The following CAPN15 variants were observed in gnomAD, a reference collection of about 807,000 sequenced individuals.
The protein encoded by CAPN15 is calpain 15, also known as calpain-15.
A neutral mutation model predicts 97.9 loss-of-function variants in CAPN15; 53 were observed. The ratio of observed to expected loss-of-function variants is 0.54; its 90% CI spans 0.43 to 0.68. CAPN15 has a LOEUF of 0.68. Among genes scored for constraint, CAPN15 ranks in the 30% least tolerant of loss-of-function variants. The pLI is 0.00. For synonymous variants in CAPN15, 922 were observed against 722.5 expected, an observed-to-expected ratio of 1.28 and a Z score of -4.43; for missense variants, 1,592 against 1,589.8, an observed-to-expected ratio of 1.00 and a Z score of -0.02.
rs571629948 is a variant in CAPN15, at chr16:547,855, C to T, written c.1017C>T (p.Pro339=). The T allele has an allele frequency of 1.1e-5, 18 of 1,611,526 alleles. No homozygotes were observed. The Admixed American group carries it at 1.2e-4, about 10-fold the overall frequency. ...VRYTPASPSS[P]DFTTWSCAKC... ...ACACGCCCGCCAGCCCCTCCAGCCC[C>T]GACTTCACCACCTGGTCATGTGCCA... The change falls in exon 4 of 14, where the codon CCC becomes CCT. Residue 339 remains proline, a synonymous_variant. Coordinates refer to ENST00000219611, the MANE Select transcript of CAPN15 (RefSeq NM_005632.3).
In CAPN15 at chr16:548,867, A is replaced by G; in HGVS notation, c.1450-126A>G. 20 of 885,046 alleles carry G rather than the reference A, an allele frequency of 2.3e-5. 1 individual carries two copies. In the South Asian group the frequency reaches 3.0e-4, roughly 13 times the overall value. The allele number at this position is 885,046 out of a possible 1,614,324, so 54.8% of individuals were successfully genotyped here. A position where few individuals can be genotyped will look rare whatever the true frequency, so the allele number is the denominator to read the frequency against. On this transcript the variant is annotated intron_variant, in intron 4 of 13. Coordinates refer to ENST00000219611, the MANE Select transcript of CAPN15 (RefSeq NM_005632.3). ...GCCGGCGCCAGGTCTGTGGCTGTCC[A>G]CGCTCCACCCGTCCCTTTGGGGCTC...
chr16:550,982 T>C (rs75881177), intron 7 of CAPN15, among the ~76,000 whole-genome samples: 680 of 11,890 alleles, frequency 0.057, 18 homozygotes, highest in Admixed American at 0.17. Context: ...GGTCCCCTGT[T>C]GGTGAGGGTC....
At chr16:545,916 G>A (rs967336663) in intron 3 of CAPN15, among the ~76,000 whole-genome samples, 10 of 152,252 alleles carry the variant, frequency 6.6e-5, no homozygotes, top group Admixed American at 3.9e-4. Flanking sequence ...GGAGCCCGCC[G>A]GCCACAGCTG....
At chr16:530,758 C>G (rs964564050) in intron 1 of CAPN15, among the ~76,000 whole-genome samples, 1 of 152,160 alleles carries the variant, frequency 6.6e-6, no homozygotes, top group African/African-American at 2.4e-5. Flanking sequence ...ATGGGGGCAT[C>G]CTAGCCCAGG....
Position 554,398 on chromosome 16 carries a change from T to TC in CAPN15, c.*887dup, listed in dbSNP as rs1433397812. ...GGCAGCGGGCCGGCCTCGCCCCCAC[T>TC]CCCCCTCCTACCCCGGCAGGGGCTT... On this transcript the variant is annotated 3_prime_UTR_variant, in exon 14 of 14. Transcript: ENST00000219611. 2.4e-6 allele frequency: 1 copy of TC among 418,910 alleles called. No individual in the cohort carries two copies. Among genetic ancestry groups the TC allele is most frequent in the African/African-American group, 2.0e-5 (1 of 48,812 alleles). The allele number at this position is 418,910 out of a possible 1,614,324, so 25.9% of individuals were successfully genotyped here.
rs548929986 is a variant in CAPN15, at chr16:551,049, G to A, written c.2067-253G>A. On this transcript the variant is annotated intron_variant, in intron 7 of 13. Coordinates refer to ENST00000219611, the MANE Select transcript of CAPN15 (RefSeq NM_005632.3). ...CCCCGGTCGGTGAGGGCCCCGGTCGGTGAGGGTCCCCGGTCGGTGAGGTCC... is the reference window on the plus strand; with the variant it reads ...CCCCGGTCGGTGAGGGCCCCGGTCGATGAGGGTCCCCGGTCGGTGAGGTCC... 8.2e-5 allele frequency among the ~76,000 whole-genome samples: 12 copies of A among 146,834 alleles called. No homozygotes were observed. In the East Asian group the frequency reaches 2.5e-3, roughly 30 times the overall value.
At chr16:528,529 A>C (rs922522724) in intron 1 of CAPN15, among the ~76,000 whole-genome samples, 1 of 152,168 alleles carries the variant, frequency 6.6e-6, no homozygotes, top group Non-Finnish European at 1.5e-5. Context: ...CAGCCATGCC[A>C]GTGTTCTCTT....
intron 3 of CAPN15, chr16:540,235 C>T (rs1244081257): frequency 1.0e-6 from 1 of 985,394 alleles, no homozygotes; most frequent in Admixed American, 6.1e-5. Flanking sequence ...CGAGTCGGAC[C>T]ACAGCTTCCC....
At position 551,618 on chromosome 16, in the gene CAPN15, G is replaced by A. The variant is rs570090075; in HGVS notation, c.2299G>A (p.Gly767Ser). 1.4e-5 allele frequency: 22 copies of A among 1,606,394 alleles called. No homozygotes were observed. Among genetic ancestry groups the A allele is most frequent in the Admixed American group, 3.3e-5 (2 of 59,978 alleles). ...CCTGCGTGGCGAGCTCATGCCGCAC[G>A]GCAGCAGTGAGGGTGTCTTCTGGAT... Reference protein sequence around the residue: ...GHLRGELMPHGSSEGVFWMEY... With the variant: ...GHLRGELMPHSSSEGVFWMEY... The change falls in exon 9 of 14, where the codon GGC becomes AGC. Residue 767 changes from glycine (G) to serine (S), a missense_variant. Physicochemically the swap from Gly to Ser is moderately conservative, Grantham distance 56. Coordinates refer to ENST00000219611, the MANE Select transcript of CAPN15 (RefSeq NM_005632.3).
chr16:542,268 C>A (rs2034172419), intron 3 of CAPN15, among the ~76,000 whole-genome samples: 1 of 151,912 alleles, frequency 6.6e-6, no homozygotes, highest in South Asian at 2.1e-4. Flanking sequence ...TTTGCGTGGA[C>A]CTGTTTTCAT....
In CAPN15 at chr16:554,320, T is replaced by C. The variant is rs886346582; in HGVS notation, c.*804T>C. On this transcript the variant is annotated 3_prime_UTR_variant, in exon 14 of 14. Transcript: ENST00000219611. ...CCACCTCCCCACAGAAGCCCAGGAG[T>C]GTGTGGACGTCTGAGCCCAGCTTTC... 2.8e-6 allele frequency: 1 copy of C among 359,392 alleles called. No homozygotes were observed. The highest frequency in any genetic ancestry group is 2.1e-5 in the African/African-American group (1 of 46,656). 22.3% of individuals were successfully genotyped at this position (359,392 alleles called of 1,614,324 possible). A position where few individuals can be genotyped will look rare whatever the true frequency, so the allele number is the denominator to read the frequency against.
chr16:538,782 C>T (rs1220847059), intron 3 of CAPN15: 1 of 152,222 alleles, frequency 6.6e-6, no homozygotes, highest in East Asian at 1.9e-4. Flanking sequence ...CAGGCCCCTC[C>T]CGGGTGTCAG....
chr16:549,672 G>T lies in CAPN15; in HGVS notation c.1900G>T (p.Gly634Cys), dbSNP rs774365724. The change falls in exon 7 of 14, where the codon GGC (glycine) becomes TGC (cysteine). Residue 634 changes from glycine (G) to cysteine (C), a missense_variant. This residue lies in a region of CAPN15 where 644 missense variants were observed against 699.6 expected (regional missense o/e 0.92). Transcript: ENST00000219611. The stretch of plus-strand genomic sequence containing the variant: ...CGAGAAGGCGCTGGCCAAGCTGCAC[G>T]GCTCCTACTTTGCGCTCCAGGCGGG... ...LIEKALAKLHGSYFALQAGRA... is the reference protein window; with the variant it reads ...LIEKALAKLHCSYFALQAGRA... 1 of 1,563,532 alleles carries T rather than the reference G, an allele frequency of 6.4e-7. No homozygotes were observed.
At chr16:528,777 T>G (rs1356549375) in intron 1 of CAPN15, 18 of 985,092 alleles carry the variant, frequency 1.8e-5, no homozygotes, top group Non-Finnish European at 2.2e-5. Context: ...GGCCTGGGTG[T>G]GTGGGGCCAG....
At chr16:537,205 C>A (rs1380140787) in intron 3 of CAPN15, 1 of 985,294 alleles carries the variant, frequency 1.0e-6, no homozygotes, top group Non-Finnish European at 1.2e-6. Flanking sequence ...ACAGGCCTCC[C>A]TCCTGTCCAG....
intron 3 of CAPN15, among the ~76,000 whole-genome samples, chr16:546,366 G>A (rs915402505): frequency 2.0e-5 from 3 of 152,238 alleles, no homozygotes; most frequent in Non-Finnish European, 4.4e-5. Context: ...GTGTGGGGAG[G>A]CCCCTTGCTC....
chr16:536,950 C>T (rs1479475083), intron 3 of CAPN15: 3 of 180,158 alleles, frequency 1.7e-5, no homozygotes, highest in African/African-American at 2.4e-5. Context: ...TAGTGGGCCT[C>T]GCCAGCCAGG....
At chr16:532,254 G>GA (rs888647484) in intron 1 of CAPN15, among the ~76,000 whole-genome samples, 3 of 139,806 alleles carry the variant, frequency 2.1e-5, no homozygotes, top group Admixed American at 7.2e-5. Flanking sequence ...AAAAAAAAAA[G>GA]AAAAAAAAGT....
rs369551311 is a variant in CAPN15, at chr16:547,423, C to G, written c.585C>G (p.Val195=). The G allele has an allele frequency of 1.3e-6, 2 of 1,576,366 alleles. No individual in the cohort carries two copies. Among genetic ancestry groups the G allele is most frequent in the Non-Finnish European group, 8.6e-7 (1 of 1,168,776 alleles). ...PEVVAPAGFH[V]VPAAPPPGLP... ...TGGTGGCCCCGGCCGGCTTCCACGT[C>G]GTGCCTGCCGCGCCTCCACCTGGCC... The change falls in exon 4 of 14, where the codon GTC becomes GTG. Residue 195 remains valine (V), a synonymous_variant. Transcript: ENST00000219611.
Sources: gnomAD v4.1 joint callset for allele counts (sites outside exome capture counted in the v4.1 genomes callset) on GRCh38, gnomAD v4.1.1 for gene constraint, gnomAD v4.1.1 regional missense constraint, MANE v1.5 for transcripts, NCBI Gene and HGNC (gene_info 2026-07-23, HGNC 2026-07-21) for gene names.